PDE1A: variants seen among roughly 807,000 people sequenced by gnomAD.
The protein encoded by PDE1A is dual specificity calcium/calmodulin-dependent 3',5'-cyclic nucleotide phosphodiesterase 1A.
A neutral mutation model predicts 61.7 loss-of-function variants in PDE1A; 35 were observed. The ratio of observed to expected loss-of-function variants is 0.57; its 90% confidence interval spans 0.43 to 0.75. The LOEUF (loss-of-function observed/expected upper bound fraction) is 0.75. Among genes scored for constraint, PDE1A ranks in the 30% least tolerant of loss-of-function variants. The pLI is 0.00. For synonymous variants in PDE1A, 232 were observed against 213.2 expected (o/e 1.09, Z -0.77); for missense variants, 597 against 630.6 (o/e 0.95, Z 0.57).
chr2:182,382,301 A>C (rs1700782827), intron 1 of PDE1A, among the ~76,000 whole-genome samples: 1 of 152,214 alleles, frequency 6.6e-6, no homozygotes, highest in Non-Finnish European at 1.5e-5. Context: ...AAAGCTAGAG[A>C]ACGTTTTGAC....
chr2:182,631,892 A>G, the PDE1A span, among the ~76,000 whole-genome samples: 1 of 152,204 alleles, frequency 6.6e-6, no homozygotes, highest in Non-Finnish European at 1.5e-5. Context: ...AAACAGCAAT[A>G]ATTACCATTT....
At chr2:182,474,591 G>T (rs536625158) in intron 2 of PDE1A, among the ~76,000 whole-genome samples, 48 of 151,972 alleles carry the variant, frequency 3.2e-4, no homozygotes, top group Admixed American at 5.9e-4. Context: ...AGAATTAAAC[G>T]AGATTATTAT....
At chr2:182,594,344 C>T in the PDE1A span, among the ~76,000 whole-genome samples, 1 of 152,164 alleles carries the variant, frequency 6.6e-6, no homozygotes, top group African/African-American at 2.4e-5. Flanking sequence ...CTTTGCACAG[C>T]GTATTTCTTG....
At chr2:182,597,454 G>T in the PDE1A span, among the ~76,000 whole-genome samples, 5 of 152,160 alleles carry the variant, frequency 3.3e-5, no homozygotes, top group African/African-American at 7.2e-5. Flanking sequence ...GCCAGCGCTT[G>T]CAGGCTATTG....
chr2:182,550,256 AG>A, the PDE1A span, among the ~76,000 whole-genome samples: 1 of 152,228 alleles, frequency 6.6e-6, no homozygotes, highest in Non-Finnish European at 1.5e-5. Flanking sequence ...CTCTAAACAA[AG>A]GTGTTAAATA....
intron 2 of PDE1A, among the ~76,000 whole-genome samples, chr2:182,461,515 C>G (rs990760294): frequency 6.6e-6 from 1 of 152,078 alleles, no homozygotes; most frequent in Admixed American, 6.6e-5. Flanking sequence ...AAATAGGAAA[C>G]AAAATATCCC....
intron 10 of PDE1A, among the ~76,000 whole-genome samples, chr2:182,194,745 A>G (rs1685995463): frequency 6.6e-6 from 1 of 152,096 alleles, no homozygotes; most frequent in South Asian, 2.1e-4. Context: ...CTTGTCTTCC[A>G]GAAATATACA....
intron 7 of PDE1A, among the ~76,000 whole-genome samples, chr2:182,219,036 C>T (rs966222804): frequency 1.3e-5 from 2 of 151,980 alleles, no homozygotes; most frequent in Non-Finnish European, 2.9e-5. Flanking sequence ...ACTAAAATTA[C>T]TTTGGGTAGC....
intron 2 of PDE1A, among the ~76,000 whole-genome samples, chr2:182,451,243 G>A (rs905347857): frequency 1.5e-5 from 1 of 68,368 alleles, no homozygotes. Flanking sequence ...GCCGGGCGTA[G>A]TGGCGGGCGC....
At chr2:182,175,493 T>C (rs1359589707) in intron 13 of PDE1A, among the ~76,000 whole-genome samples, 2 of 143,446 alleles carry the variant, frequency 1.4e-5, no homozygotes, top group African/African-American at 5.2e-5. Flanking sequence ...TTTTGAGAAG[T>C]GTCTGTTCAT....
At chr2:182,243,675 G>A (rs1350495238) in intron 2 of PDE1A, among the ~76,000 whole-genome samples, 2 of 152,192 alleles carry the variant, frequency 1.3e-5, no homozygotes, top group Non-Finnish European at 2.9e-5. Context: ...TGCATGCTGT[G>A]AGAGGAATAG....
At chr2:182,159,360 T>C (rs1691256099) in intron 13 of PDE1A, among the ~76,000 whole-genome samples, 1 of 152,170 alleles carries the variant, frequency 6.6e-6, no homozygotes, top group African/African-American at 2.4e-5. Flanking sequence ...CTAATTCCAT[T>C]GCTTGATTTA....
rs535714953 is a variant in PDE1A, at chr2:182,312,727, A to C, written c.54-48313T>G. On this transcript the variant is annotated intron_variant, in intron 1 of 13. Transcript: ENST00000351439. ...CTTTTAATCAATCTTGAAATCGGGT[A>C]GTGTCAGTCTTCTAACTTCGTTCTT... Among the ~76,000 whole-genome samples the C allele has an allele frequency of 4.1e-4, 63 of 152,198 alleles. 1 individual carries two copies. The South Asian group carries it at 0.012, about 29-fold the overall frequency.
the PDE1A span, among the ~76,000 whole-genome samples, chr2:182,664,556 T>C: frequency 6.6e-6 from 1 of 152,184 alleles, no homozygotes; most frequent in East Asian, 1.9e-4. Flanking sequence ...GTGATTAAAA[T>C]AATGACAACG....
At position 182,318,141 on chromosome 2, in the gene PDE1A, A is replaced by G. The variant is rs186106658; in HGVS notation, c.54-53727T>C. Among the ~76,000 whole-genome samples, 202 of 152,250 alleles carry G rather than the reference A, an allele frequency of 1.3e-3. 1 individual carries two copies. The highest frequency in any genetic ancestry group is 4.7e-3 in the African/African-American group (197 of 41,544). On this transcript the variant is annotated intron_variant, in intron 1 of 13. Coordinates refer to ENST00000351439, the Ensembl canonical transcript of PDE1A. Reference sequence around the variant, plus strand: ...TTTAAAACCTTTCTCTACTTTCACAAACATGAAAATTTCAGGCTCACACTT... The same window carrying G: ...TTTAAAACCTTTCTCTACTTTCACAGACATGAAAATTTCAGGCTCACACTT...
At chr2:182,421,172 C>G (rs916546761) in intron 1 of PDE1A, among the ~76,000 whole-genome samples, 8 of 152,100 alleles carry the variant, frequency 5.3e-5, no homozygotes, top group African/African-American at 1.4e-4. Flanking sequence ...GGCATAAAAT[C>G]ACTAACAATC....
the PDE1A span, among the ~76,000 whole-genome samples, chr2:182,658,140 C>A: frequency 6.7e-6 from 1 of 149,314 alleles, no homozygotes; most frequent in African/African-American, 2.5e-5. Context: ...CAAAGTACCA[C>A]AAACTACATG....
At chr2:182,198,129 C>T (rs1686290725) in intron 10 of PDE1A, among the ~76,000 whole-genome samples, 1 of 151,690 alleles carries the variant, frequency 6.6e-6, no homozygotes, top group South Asian at 2.1e-4. Flanking sequence ...TTAAAGGTTT[C>T]CCCCAAAATT....
chr2:182,264,529 G>T (rs1692462927), intron 1 of PDE1A, 115 bp from the exon 2 acceptor site: 1 of 649,396 alleles, frequency 1.5e-6, no homozygotes, highest in Admixed American at 2.9e-5. Context: ...CTATTTCTAG[G>T]TCAACAAATA....
Sources: gnomAD v4.1 joint callset for allele counts (sites outside exome capture counted in the v4.1 genomes callset) on GRCh38, gnomAD v4.1.1 for gene constraint, MANE v1.5 for transcripts, NCBI Gene and HGNC (gene_info 2026-07-23, HGNC 2026-07-21) for gene names.